Variants in DCC observed in about 807,000 individuals in gnomAD.
DCC encodes netrin receptor DCC.
DCC carries 58 observed loss-of-function variants against 172.5 expected under a neutral mutation model. The observed-to-expected ratio is 0.34, with a 90% CI of 0.27 to 0.42. DCC has a LOEUF of 0.42. DCC is among the 10% of genes least tolerant of loss of function. The pLI, the probability that DCC is intolerant of heterozygous loss-of-function variation, is 1.00. For missense variants in DCC, 1,740 were observed against 1,791.0 expected (o/e 0.97, Z 0.51); for synonymous variants, 709 against 644.5 (o/e 1.10, Z -1.52).
chr18:52,713,153 C>G (rs1432993882), intron 1 of DCC, among the ~76,000 whole-genome samples: 1 of 152,214 alleles, frequency 6.6e-6, no homozygotes, highest in Non-Finnish European at 1.5e-5. Context: ...TCAATTCTTT[C>G]AGCTTCTCTA....
At chr18:53,029,745 C>T (rs75060705) in intron 5 of DCC, among the ~76,000 whole-genome samples, 2 of 152,072 alleles carry the variant, frequency 1.3e-5, no homozygotes, top group Non-Finnish European at 2.9e-5. Context: ...AGCCTATGCC[C>T]CTCCTCCACT....
intron 2 of DCC, among the ~76,000 whole-genome samples, chr18:52,814,563 G>A (rs1238327427): frequency 6.6e-6 from 1 of 152,130 alleles, no homozygotes; most frequent in Non-Finnish European, 1.5e-5. Context: ...ACAAGAAAAG[G>A]TTAAGATAGA....
intron 1 of DCC, among the ~76,000 whole-genome samples, chr18:52,719,030 A>G (rs1036409935): frequency 9.9e-5 from 15 of 152,192 alleles, no homozygotes; most frequent in African/African-American, 3.6e-4. Context: ...CTTGTCTCTT[A>G]CAGCTCCTGA....
intron 19 of DCC, among the ~76,000 whole-genome samples, chr18:53,408,252 C>T (rs890237113): frequency 2.6e-4 from 39 of 152,228 alleles, no homozygotes; most frequent in Middle Eastern, 3.4e-3. Context: ...TATTTGTTAT[C>T]TTATGGTTTT....
At chr18:53,140,727 AAG>A (rs748235495) in intron 7 of DCC, among the ~76,000 whole-genome samples, 10 of 152,148 alleles carry the variant, frequency 6.6e-5, no homozygotes, top group Non-Finnish European at 1.5e-4. Context: ...CTGAGGGAAA[AAG>A]AGAAGGAAAA....
At chr18:53,345,244 C>T (rs1237381990) in intron 15 of DCC, among the ~76,000 whole-genome samples, 2 of 151,738 alleles carry the variant, frequency 1.3e-5, no homozygotes, top group Non-Finnish European at 2.9e-5. Context: ...AAAACAGTGG[C>T]CCCTCAACTA....
chr18:53,398,530 CAAGT>C (rs1460309370), intron 18 of DCC, among the ~76,000 whole-genome samples: 2 of 151,988 alleles, frequency 1.3e-5, no homozygotes, highest in Non-Finnish European at 2.9e-5. Context: ...ATAGAGTAAA[CAAGT>C]AAACAGTCTA....
At chr18:53,344,459 T>G (rs1420110961) in intron 15 of DCC, among the ~76,000 whole-genome samples, 6 of 147,348 alleles carry the variant, frequency 4.1e-5, no homozygotes, top group African/African-American at 1.5e-4. Context: ...TTTTTTTTTT[T>G]TGAGCCACAG....
intron 12 of DCC, among the ~76,000 whole-genome samples, chr18:53,262,677 C>A (rs2056620571): frequency 6.6e-6 from 1 of 152,170 alleles, no homozygotes; most frequent in African/African-American, 2.4e-5. Context: ...AAACCCTTTT[C>A]TGCATAGACA....
intron 2 of DCC, among the ~76,000 whole-genome samples, chr18:52,819,567 C>T (rs1256413928): frequency 6.6e-6 from 1 of 152,034 alleles, no homozygotes; most frequent in African/African-American, 2.4e-5. Flanking sequence ...GTTTAAGAGA[C>T]CATGTGTTTT....
At chr18:53,032,961 G>C (rs1466439610) in intron 5 of DCC, among the ~76,000 whole-genome samples, 2 of 152,090 alleles carry the variant, frequency 1.3e-5, no homozygotes, top group African/African-American at 4.8e-5. Flanking sequence ...GGCATACCTA[G>C]TTGTTCACAT....
intron 2 of DCC, among the ~76,000 whole-genome samples, chr18:52,858,229 G>T (rs1042292668): frequency 2.6e-5 from 4 of 152,224 alleles, no homozygotes; most frequent in Non-Finnish European, 4.4e-5. Context: ...GAGAAATGGA[G>T]TATTGCTTTC....
chr18:53,417,275 G>A (rs764181832), intron 21 of DCC, among the ~76,000 whole-genome samples: 11 of 152,146 alleles, frequency 7.2e-5, no homozygotes, highest in Admixed American at 1.3e-4. Flanking sequence ...CTTCTCTGGC[G>A]ATGTATACTA....
chr18:53,165,391 G>A (rs1489717595), intron 8 of DCC, among the ~76,000 whole-genome samples: 2 of 152,168 alleles, frequency 1.3e-5, no homozygotes, highest in Non-Finnish European at 2.9e-5. Context: ...CATTTTTGAT[G>A]TGGTGTTTAC....
chr18:53,071,098 C>T, intron 7 of DCC, among the ~76,000 whole-genome samples: 1 of 152,178 alleles, frequency 6.6e-6, no homozygotes, highest in Non-Finnish European at 1.5e-5. Context: ...CTCTTGGCAA[C>T]CATAACAATC....
intron 1 of DCC, among the ~76,000 whole-genome samples, chr18:52,693,074 G>C (rs1186349867): frequency 6.6e-6 from 1 of 151,980 alleles, no homozygotes; most frequent in Non-Finnish European, 1.5e-5. Flanking sequence ...TAAGTTAATG[G>C]CTGGTGTGTG....
At chr18:52,867,417 T>C (rs2039245187) in intron 2 of DCC, among the ~76,000 whole-genome samples, 1 of 152,198 alleles carries the variant, frequency 6.6e-6, no homozygotes, top group African/African-American at 2.4e-5. Flanking sequence ...GAAGATTCCC[T>C]CTTTTTCAAT....
Position 52,403,819 on chromosome 18 carries a change from C to T in DCC, c.91+62941C>T, listed in dbSNP as rs562567814. The stretch of plus-strand genomic sequence containing the variant: ...AGAGCCTCCTCAGCAGCACTTGATG[C>T]CAGCCCTAGTGCTCTTAAAAGCAGG... On this transcript the variant is annotated intron_variant, in intron 1 of 28. Transcript: ENST00000442544. Among the ~76,000 whole-genome samples the T allele has an allele frequency of 4.6e-5, 7 of 152,136 alleles. No individual in the cohort carries two copies. The East Asian group carries it at 1.4e-3, about 29-fold the overall frequency.
At chr18:53,003,763 T>G (rs74562817) in intron 5 of DCC, among the ~76,000 whole-genome samples, 17,822 of 151,982 alleles carry the variant, frequency 0.12, 1,397 homozygotes, top group East Asian at 0.31. Context: ...AAAAACAAGT[T>G]TTTCATAATA....
Sources: allele counts gnomAD v4.1 joint callset (sites outside exome capture counted in the v4.1 genomes callset), GRCh38; gene constraint gnomAD v4.1.1; transcripts MANE v1.5; gene names NCBI Gene and HGNC (gene_info 2026-07-23, HGNC 2026-07-21).